BCAS3: variants seen among roughly 807,000 people sequenced by gnomAD.
The protein encoded by BCAS3 is BCAS4/BCAS3 fusion.
Under a neutral mutation model 116.1 loss-of-function variants are expected in BCAS3, and 53 were observed. That is an observed-to-expected ratio of 0.46 (90% CI 0.37 to 0.57). The LOEUF (loss-of-function observed/expected upper bound fraction) is 0.57, where lower values mean the gene tolerates loss of function less well. BCAS3 is among the 20% of genes least tolerant of loss of function. The probability of loss-of-function intolerance (pLI) is 0.00; values close to 1 mark genes in which losing one functional copy is unlikely to be tolerated. For synonymous variants in BCAS3, 391 were observed against 408.2 expected (o/e 0.96, Z 0.51); for missense variants, 917 against 1,165.4 (o/e 0.79, Z 3.10).
chr17:61,003,205 C>T (rs75007026), intron 15 of BCAS3, among the ~76,000 whole-genome samples: 4,509 of 151,596 alleles, frequency 0.03, 232 homozygotes, highest in African/African-American at 0.1. Flanking sequence ...ATTTCCCCAA[C>T]GTATGTTTCA....
chr17:61,252,175 G>A (rs2048420726), intron 22 of BCAS3, among the ~76,000 whole-genome samples: 1 of 152,174 alleles, frequency 6.6e-6, no homozygotes, highest in Non-Finnish European at 1.5e-5. Flanking sequence ...ATAACGTTTT[G>A]TTTAGAGTTC....
At chr17:61,195,547 T>C (rs79092701) in intron 22 of BCAS3, among the ~76,000 whole-genome samples, 59 of 36,924 alleles carry the variant, frequency 1.6e-3, no homozygotes, top group Admixed American at 5.7e-3. Context: ...TTCTTTCTTT[T>C]TTTTTTTTTT....
chr17:61,372,244 CA>C (rs1448331883), intron 23 of BCAS3, among the ~76,000 whole-genome samples: 1 of 152,186 alleles, frequency 6.6e-6, no homozygotes, highest in Non-Finnish European at 1.5e-5. Flanking sequence ...CAGCAAAAGA[CA>C]GTGCCTAGCG....
intron 14 of BCAS3, among the ~76,000 whole-genome samples, chr17:60,954,351 T>G (rs1172388464): frequency 6.6e-6 from 1 of 152,214 alleles, no homozygotes; most frequent in African/African-American, 2.4e-5. Context: ...TTTGGGCTCT[T>G]TTTTGGTTTC....
chr17:60,749,197 A>G (rs117530894), intron 6 of BCAS3, among the ~76,000 whole-genome samples: 1 of 152,264 alleles, frequency 6.6e-6, no homozygotes, highest in East Asian at 1.9e-4. Context: ...TGTGTGGGAG[A>G]TATTGTCTGT....
intron 22 of BCAS3, among the ~76,000 whole-genome samples, chr17:61,240,239 T>C (rs2047393506): frequency 6.6e-6 from 1 of 152,204 alleles, no homozygotes; most frequent in Non-Finnish European, 1.5e-5. Context: ...AGAATAGTAT[T>C]TTTATTTCAC....
At chr17:61,024,470 T>C (rs1413016921) in intron 16 of BCAS3, among the ~76,000 whole-genome samples, 1 of 152,080 alleles carries the variant, frequency 6.6e-6, no homozygotes, top group African/African-American at 2.4e-5. Context: ...GTGGGTCAAA[T>C]TGTGAATAGT....
chr17:60,854,341 T>C (rs979394390), intron 7 of BCAS3, among the ~76,000 whole-genome samples: 3 of 152,334 alleles, frequency 2.0e-5, no homozygotes, highest in Non-Finnish European at 4.4e-5. Flanking sequence ...CTGTTGTGAA[T>C]AGTGCCGCAA....
At chr17:60,730,996 T>C (rs530961869) in intron 5 of BCAS3, among the ~76,000 whole-genome samples, 6 of 152,290 alleles carry the variant, frequency 3.9e-5, no homozygotes, top group Admixed American at 1.3e-4. Context: ...CCGAATTCCT[T>C]AGTATAAGAT....
intron 5 of BCAS3, among the ~76,000 whole-genome samples, chr17:60,746,391 A>G (rs16944580): frequency 0.12 from 18,346 of 152,128 alleles, 3,336 homozygotes; most frequent in African/African-American, 0.39. Context: ...TTTCACACTC[A>G]ACACATATTA....
At chr17:61,001,721 G>GA (rs2064254049) in intron 15 of BCAS3, among the ~76,000 whole-genome samples, 1 of 152,038 alleles carries the variant, frequency 6.6e-6, no homozygotes, top group Non-Finnish European at 1.5e-5. Flanking sequence ...GTACTTTATT[G>GA]TTTTAGCTCA....
intron 22 of BCAS3, among the ~76,000 whole-genome samples, chr17:61,284,015 G>T (rs773834490): frequency 2.0e-5 from 3 of 152,168 alleles, no homozygotes; most frequent in African/African-American, 4.8e-5. Flanking sequence ...AGGTGAAGCC[G>T]GCTGGGCTTC....
intron 16 of BCAS3, among the ~76,000 whole-genome samples, chr17:61,024,814 G>A (rs1044647437): frequency 2.0e-5 from 3 of 151,916 alleles, no homozygotes; most frequent in Non-Finnish European, 4.4e-5. Flanking sequence ...ATTTTTGCTT[G>A]TTTGGTTTTT....
chr17:61,137,879 C>T (rs995660295), intron 22 of BCAS3, among the ~76,000 whole-genome samples: 3 of 152,138 alleles, frequency 2.0e-5, no homozygotes, highest in Admixed American at 6.5e-5. Flanking sequence ...TTGGTTGATT[C>T]GGTGTTTCCT....
chr17:61,330,985 G>A (rs2056230931), intron 22 of BCAS3, among the ~76,000 whole-genome samples: 1 of 152,228 alleles, frequency 6.6e-6, no homozygotes, highest in African/African-American at 2.4e-5. Context: ...TGGGCGGTGA[G>A]TGTGCACTAG....
At chr17:60,969,763 A>AG (rs2061853331) in intron 14 of BCAS3, among the ~76,000 whole-genome samples, 1 of 152,240 alleles carries the variant, frequency 6.6e-6, no homozygotes, top group African/African-American at 2.4e-5. Flanking sequence ...CAAAGTAAGG[A>AG]GGAAATCTTG....
intron 19 of BCAS3, among the ~76,000 whole-genome samples, chr17:61,058,481 C>G (rs2069624001): frequency 6.6e-6 from 1 of 152,116 alleles, no homozygotes; most frequent in African/African-American, 2.4e-5. Context: ...GGTCACTCGG[C>G]TGATTTCTGT....
At chr17:61,275,572 G>C (rs578065477) in intron 22 of BCAS3, among the ~76,000 whole-genome samples, 3 of 152,312 alleles carry the variant, frequency 2.0e-5, no homozygotes, top group East Asian at 1.9e-4. Flanking sequence ...CACAATCACA[G>C]TGAGCAGTGG....
Position 61,265,151 on chromosome 17 carries a change from T to C in BCAS3, c.2426-103176T>C, listed in dbSNP as rs2049568588. Reference sequence around the variant, plus strand: ...AATACCAGCCAGGCGCAATGGCTCATGTCTGTAATCCCAGCACTTTGGGAG... The same window carrying C: ...AATACCAGCCAGGCGCAATGGCTCACGTCTGTAATCCCAGCACTTTGGGAG... On this transcript the variant is annotated intron_variant, in intron 22 of 23. Transcript: ENST00000407086. The surrounding 1 kb of genome is among the most constrained non-coding windows in gnomAD (Gnocchi z 4.3). Among the ~76,000 whole-genome samples the C allele has an allele frequency of 6.6e-6, 1 of 152,190 alleles. No homozygotes were observed. The highest frequency in any genetic ancestry group is 2.1e-4 in the South Asian group (1 of 4,824).
Sources: allele counts gnomAD v4.1 joint callset (sites outside exome capture counted in the v4.1 genomes callset), GRCh38; gene constraint gnomAD v4.1.1; non-coding constraint Gnocchi (gnomAD v3.1); transcripts MANE v1.5; gene names NCBI Gene and HGNC (gene_info 2026-07-23, HGNC 2026-07-21).